Variants in SOX13 observed in about 807,000 individuals in gnomAD.
SOX13 encodes the protein transcription factor SOX-13.
Under a neutral mutation model 71.8 loss-of-function variants are expected in SOX13, and 28 were observed. The ratio of observed to expected loss-of-function variants is 0.39; its 90% CI spans 0.29 to 0.53. The LOEUF is 0.53. Among genes scored for constraint, SOX13 ranks in the 20% least tolerant of loss-of-function variants. The pLI is 0.70. For synonymous variants in SOX13, 309 were observed against 317.8 expected (o/e 0.97, Z 0.29); for missense variants, 627 against 810.3 (o/e 0.77, Z 2.75).
In SOX13 at chr1:204,123,139, G is replaced by A; in HGVS notation, c.1162G>A (p.Ala388Thr). 10 of 1,613,812 alleles carry A rather than the reference G, an allele frequency of 6.2e-6. No homozygotes were observed. The highest frequency in any genetic ancestry group is 8.5e-6 in the Non-Finnish European group (10 of 1,179,784). Reference sequence around the variant, plus strand: ...CCTCATCAGCCTGGACTCATCCCCAGCCAAGGAGCGGCTGGAGGACGGCTG... The same window carrying A: ...CCTCATCAGCCTGGACTCATCCCCAACCAAGGAGCGGCTGGAGGACGGCTG... ...KDLISLDSSP[A>T]KERLEDGCVH... Residue 388 changes from alanine to threonine, a missense_variant, in exon 11 of 14, where the codon GCC (alanine) becomes ACC (threonine). Ala to Thr is a moderately conservative substitution (Grantham distance 58). This residue lies in a region of SOX13 where 447 missense variants were observed against 532.2 expected (regional missense o/e 0.84). Transcript: ENST00000367204. This position sits in a 1 kb window ranked among gnomAD's most constrained non-coding sequence, Gnocchi z 5.0.
intron 1 of SOX13, among the ~76,000 whole-genome samples, chr1:204,086,539 G>A (rs1193973550): frequency 6.6e-6 from 1 of 152,086 alleles, no homozygotes; most frequent in Non-Finnish European, 1.5e-5. Context: ...TTGACTTCGT[G>A]ATCTGCCCGC....
chr1:204,102,334 C>T (rs898564931), intron 1 of SOX13, among the ~76,000 whole-genome samples: 4 of 152,138 alleles, frequency 2.6e-5, no homozygotes, highest in African/African-American at 9.7e-5. Flanking sequence ...GGCAGGAGAA[C>T]GCAAGGGTTA....
rs559950605 is a variant in SOX13 at position 204,102,781 on chromosome 1, T to A, written c.-1-10134T>A. Among the ~76,000 whole-genome samples, 228 of 152,038 alleles carry A rather than the reference T, an allele frequency of 1.5e-3. 1 individual carries two copies. Among genetic ancestry groups the A allele is most frequent in the African/African-American group, 5.0e-3 (209 of 41,466 alleles). On this transcript the variant is annotated intron_variant, in intron 1 of 13. Transcript: ENST00000367204. The stretch of plus-strand genomic sequence containing the variant: ...TTCAGTCTTCTCTATCTCTATGGGG[T>A]AGGTGTTATTTGTTCCCATTTTAGA...
At position 204,126,607 on chromosome 1, in the gene SOX13, TCCCTTG is replaced by T; in HGVS notation, c.*475_*480del. ...TACTTTGTGCAAAAGGGTCTGGCTG[TCCCTTG>T]CTGTTTTCATCTCTGCCAAGCCTAT... On this transcript the variant is annotated 3_prime_UTR_variant, in exon 14 of 14. Transcript: ENST00000367204. 1 of 185,212 alleles carries T rather than the reference TCCCTTG, an allele frequency of 5.4e-6. No homozygotes were observed. The highest frequency in any genetic ancestry group is 1.1e-5 in the Non-Finnish European group (1 of 87,574). 11.5% of individuals were successfully genotyped at this position (185,212 alleles called of 1,614,324 possible). A position where few individuals can be genotyped will look rare whatever the true frequency, so the allele number is the denominator to read the frequency against.
At chr1:204,110,073 C>T (rs1656548004) in intron 1 of SOX13, among the ~76,000 whole-genome samples, 1 of 151,962 alleles carries the variant, frequency 6.6e-6, no homozygotes, top group African/African-American at 2.4e-5. Flanking sequence ...TTCAGGTGCT[C>T]CACCCGCCTC....
chr1:204,092,324 TC>T, intron 1 of SOX13, among the ~76,000 whole-genome samples: 1 of 152,062 alleles, frequency 6.6e-6, no homozygotes, highest in Non-Finnish European at 1.5e-5. Context: ...AACTTTTTTT[TC>T]TTTTTTTTTG....
chr1:204,102,163 A>G (rs560906219), intron 1 of SOX13, among the ~76,000 whole-genome samples: 67 of 152,322 alleles, frequency 4.4e-4, no homozygotes, highest in African/African-American at 1.5e-3. Flanking sequence ...AAAAGCCGAT[A>G]ATGCCCAGCC....
intron 1 of SOX13, among the ~76,000 whole-genome samples, chr1:204,079,846 G>GA (rs1232996367): frequency 6.6e-6 from 1 of 152,186 alleles, no homozygotes; most frequent in Non-Finnish European, 1.5e-5. Flanking sequence ...AGACCTCCTA[G>GA]AGGCTGTGAG....
At position 204,106,927 on chromosome 1, in the gene SOX13, C is replaced by T. The variant is rs150010530; in HGVS notation, c.-1-5988C>T. On this transcript the variant is annotated intron_variant, in intron 1 of 13. Coordinates refer to ENST00000367204, the MANE Select transcript of SOX13 (RefSeq NM_005686.3). The stretch of plus-strand genomic sequence containing the variant: ...CTCTGATAGGGTCTGGTGTTGTTAA[C>T]AGGAGATTCACCTCTTGATGTTGAG... 5.8e-3 allele frequency among the ~76,000 whole-genome samples: 885 copies of T among 152,336 alleles called. 20 individuals carry two copies. The highest frequency in any genetic ancestry group is 0.052 in the Admixed American group (802 of 15,298).
At chr1:204,077,298 G>A (rs923039758) in intron 1 of SOX13, among the ~76,000 whole-genome samples, 1 of 152,196 alleles carries the variant, frequency 6.6e-6, no homozygotes, top group Non-Finnish European at 1.5e-5. Flanking sequence ...TATTGCAGGC[G>A]ATGCATCCAT....
At chr1:204,117,769 C>T (rs1656724896) in intron 7 of SOX13, 62 bp downstream of exon 7, 2 of 1,075,138 alleles carry the variant, frequency 1.9e-6, no homozygotes, top group South Asian at 2.7e-5. Flanking sequence ...AGGGAAAGCG[C>T]CCTGGAGCCA....
chr1:204,120,101 C>T (rs1362812225), intron 7 of SOX13, among the ~76,000 whole-genome samples: 1 of 152,230 alleles, frequency 6.6e-6, no homozygotes, highest in Non-Finnish European at 1.5e-5. Context: ...GAAGCAAATT[C>T]CCCTTCAGAA....
chr1:204,121,204 G>T (rs1656796438), intron 7 of SOX13, among the ~76,000 whole-genome samples: 1 of 152,034 alleles, frequency 6.6e-6, no homozygotes, highest in Non-Finnish European at 1.5e-5. Context: ...GGTCAGGGTG[G>T]TCTCGAACTC....
At chr1:204,087,227 C>T (rs1488516026) in intron 1 of SOX13, among the ~76,000 whole-genome samples, 1 of 152,202 alleles carries the variant, frequency 6.6e-6, no homozygotes, top group Non-Finnish European at 1.5e-5. Context: ...CAGCTTTTCT[C>T]CTTCCTTCCA....
rs35526887 is a variant in SOX13 at position 204,082,241 on chromosome 1, GGTGT to G, written c.-2+8544_-2+8547del. 2.2e-4 allele frequency among the ~76,000 whole-genome samples: 33 copies of G among 150,676 alleles called. 1 individual carries two copies. The highest frequency in any genetic ancestry group is 3.6e-4 in the Non-Finnish European group (24 of 67,564). On this transcript the variant is annotated intron_variant, in intron 1 of 13. Transcript: ENST00000367204. ...TGTGTGTGTGTGGAGGGCCAGGTGT[GGTGT>G]GTGTGTGTGTGTGCACATATGTGTG...
intron 1 of SOX13, among the ~76,000 whole-genome samples, chr1:204,086,556 C>T (rs1656025019): frequency 6.6e-6 from 1 of 152,154 alleles, no homozygotes; most frequent in Non-Finnish European, 1.5e-5. Flanking sequence ...CCGCCTCGGC[C>T]TTCCAAAGTG....
In SOX13 at chr1:204,073,158, C is replaced by G. The variant is rs1252782838; in HGVS notation, c.-555C>G. 6.6e-6 allele frequency: 1 copy of G among 152,206 alleles called. No homozygotes were observed. Among genetic ancestry groups the G allele is most frequent in the Non-Finnish European group, 1.5e-5 (1 of 68,148 alleles). The allele number at this position is 152,206 out of a possible 1,614,324, so 9.4% of individuals were successfully genotyped here. On this transcript the variant is annotated 5_prime_UTR_variant, in exon 1 of 14. Coordinates refer to ENST00000367204, the MANE Select transcript of SOX13 (RefSeq NM_005686.3). The surrounding 1 kb of genome is among the most constrained non-coding windows in gnomAD (Gnocchi z 6.8). The stretch of plus-strand genomic sequence containing the variant: ...AGCCGCGAGCGCCCTTCTCCAGTCC[C>G]GGCTTGGAACTGAACTGTGTGAGCA...
In SOX13 at chr1:204,126,285, G is replaced by A; in HGVS notation, c.*151G>A. On this transcript the variant is annotated 3_prime_UTR_variant, in exon 14 of 14. Transcript: ENST00000367204. ...GCTGTGCACTTGCAGATACATTCATGAGGGGAGAGGCGCCCTCCCTTCCTG... is the reference window on the plus strand; with the variant it reads ...GCTGTGCACTTGCAGATACATTCATAAGGGGAGAGGCGCCCTCCCTTCCTG... The A allele has an allele frequency of 1.2e-6, 1 of 830,324 alleles. No homozygotes were observed. The highest frequency in any genetic ancestry group is 1.9e-6 in the Non-Finnish European group (1 of 535,186). The allele number at this position is 830,324 out of a possible 1,614,324, so 51.4% of individuals were successfully genotyped here.
At chr1:204,105,385 G>T (rs1421667193) in intron 1 of SOX13, among the ~76,000 whole-genome samples, 2 of 150,656 alleles carry the variant, frequency 1.3e-5, no homozygotes, top group East Asian at 3.9e-4. Flanking sequence ...GCCCCAGCTG[G>T]CTGAAGGCCT....
Sources: gnomAD v4.1 joint callset for allele counts (sites outside exome capture counted in the v4.1 genomes callset) on GRCh38, gnomAD v4.1.1 for gene constraint, gnomAD v4.1.1 regional missense constraint, Gnocchi (gnomAD v3.1) non-coding constraint, MANE v1.5 for transcripts, NCBI Gene and HGNC (gene_info 2026-07-23, HGNC 2026-07-21) for gene names.